The following DYSF variants were observed in gnomAD, a reference collection of about 807,000 sequenced individuals.
DYSF encodes dystrophy-associated fer-1-like 1.
DYSF carries 212 observed loss-of-function variants against 274.9 expected under a neutral mutation model. The observed-to-expected ratio is 0.77, with a 90% CI of 0.69 to 0.86. The LOEUF is 0.86. Among genes scored for constraint, DYSF ranks in the 40% least tolerant of loss-of-function variants. The pLI, the probability that DYSF is intolerant of heterozygous loss-of-function variation, is 0.00. For synonymous variants in DYSF, 1,091 were observed against 1,078.7 expected (o/e 1.01, Z -0.22); for missense variants, 2,666 against 2,783.2 (o/e 0.96, Z 0.95).
At position 71,682,618 on chromosome 2, in the gene DYSF, C is replaced by T. The variant is rs887047044; in HGVS notation, c.6262C>T (p.Leu2088Phe). The change falls in exon 55 of 56, where the codon CTC becomes TTC. Residue 2088 changes from leucine to phenylalanine, a missense_variant. Transcript: ENST00000410020. Reference sequence around the variant, plus strand: ...GCGGCGTTTCCGGTGGGCCATCATCCTCTTCATCATCCTCTTCATCCTGCT... The same window carrying T: ...GCGGCGTTTCCGGTGGGCCATCATCTTCTTCATCATCCTCTTCATCCTGCT... ...LWRRFRWAII[L>F]FIILFILLLF... is the part of the protein sequence containing the mutation. 1.7e-5 allele frequency: 27 copies of T among 1,613,786 alleles called. No individual in the cohort carries two copies. Among genetic ancestry groups the T allele is most frequent in the Non-Finnish European group, 2.0e-5 (24 of 1,179,788 alleles).
intron 30 of DYSF, among the ~76,000 whole-genome samples, chr2:71,587,637 A>G (rs920239086): frequency 3.3e-5 from 5 of 152,258 alleles, no homozygotes; most frequent in Non-Finnish European, 5.9e-5. Context: ...TCTCTAAAAT[A>G]GATACTGTAT....
At chr2:71,672,623 TG>T (rs1420745141) in intron 51 of DYSF, among the ~76,000 whole-genome samples, 2 of 152,092 alleles carry the variant, frequency 1.3e-5, no homozygotes, top group East Asian at 1.9e-4. Flanking sequence ...GCCTGGGACC[TG>T]GGGGGGTTCA....
At chr2:71,611,381 G>A (rs2152874992) in intron 37 of DYSF, 35 bp downstream of exon 37, 1 of 1,613,730 alleles carries the variant, frequency 6.2e-7, no homozygotes, top group Admixed American at 1.7e-5. Context: ...GGGGCTGGGA[G>A]CAGCCTGCCC....
intron 47 of DYSF, among the ~76,000 whole-genome samples, chr2:71,665,953 G>A (rs1234324681): frequency 6.6e-6 from 1 of 152,172 alleles, no homozygotes; most frequent in African/African-American, 2.4e-5. Flanking sequence ...CTGGCCCCTT[G>A]CCTCCTGGTT....
chr2:71,631,592 A>G (rs1028574459), intron 41 of DYSF, among the ~76,000 whole-genome samples: 1 of 152,166 alleles, frequency 6.6e-6, no homozygotes, highest in African/African-American at 2.4e-5. Flanking sequence ...TCGCCCATCA[A>G]ATGACAAGTG....
chr2:71,665,335 G>A, intron 47 of DYSF, 31 bp downstream of exon 47: 1 of 1,613,822 alleles, frequency 6.2e-7, no homozygotes, highest in Non-Finnish European at 8.5e-7. Context: ...AAACCATGGT[G>A]GGCTCTCGCT....
chr2:71,571,428 G>GCA (rs1290820991), intron 29 of DYSF, among the ~76,000 whole-genome samples: 1 of 97,798 alleles, frequency 1.0e-5, no homozygotes, highest in Non-Finnish European at 2.0e-5. Context: ...ATCACAGTCA[G>GCA]CACACACAGA....
At chr2:71,479,541 A>G (rs1295292944) in intron 1 of DYSF, among the ~76,000 whole-genome samples, 1 of 152,210 alleles carries the variant, frequency 6.6e-6, no homozygotes, top group Non-Finnish European at 1.5e-5. Flanking sequence ...TGTTTCTCCC[A>G]GCCTACGGCT....
At chr2:71,532,833 T>TATCTATC (rs774740699) in intron 14 of DYSF, among the ~76,000 whole-genome samples, 1 of 97,750 alleles carries the variant, frequency 1.0e-5, no homozygotes, top group Admixed American at 1.0e-4. Flanking sequence ...ACATTTATTC[T>TATCTATC]ATCTATCTAT....
rs1449509021 is a variant in DYSF at position 71,511,849 on chromosome 2, G to T, written c.388G>T (p.Ala130Ser). 19 of 1,551,628 alleles carry T rather than the reference G, an allele frequency of 1.2e-5. No individual in the cohort carries two copies. The highest frequency in any genetic ancestry group is 1.7e-5 in the Non-Finnish European group (19 of 1,147,012). Residue 130 changes from alanine to serine, a missense_variant, in exon 5 of 56, where the codon GCT (alanine) becomes TCT (serine). Physicochemically the swap from Ala to Ser is moderately conservative, Grantham distance 99 (BLOSUM62 1). This residue lies in a region of DYSF where 794 missense variants were observed against 777.1 expected (regional missense o/e 1.02). Transcript: ENST00000410020. ...LQVSYTPLPG[A>S]VPLFPPPTPL... ...GGTGTCCTACACACCGCTGCCTGGAGCTGTGCCCCTGTTCCCGCCCCCTAC... is the reference window on the plus strand; with the variant it reads ...GGTGTCCTACACACCGCTGCCTGGATCTGTGCCCCTGTTCCCGCCCCCTAC...
rs2093738775 is a variant in DYSF, at chr2:71,610,743, G to A, written c.3958-502G>A. Reference sequence around the variant, plus strand: ...GCGTGAGAGGTGGGGGTTTGGGGCTGGAAGGTGTCTAGGGGTGGGGAAGAA... The same window carrying A: ...GCGTGAGAGGTGGGGGTTTGGGGCTAGAAGGTGTCTAGGGGTGGGGAAGAA... On this transcript the variant is annotated intron_variant, in intron 36 of 55. Coordinates refer to ENST00000410020, the MANE Select transcript of DYSF (RefSeq NM_001130987.2). 14 of 216,644 alleles carry A rather than the reference G, an allele frequency of 6.5e-5. No homozygotes were observed. In the South Asian group the frequency reaches 1.1e-3, roughly 16 times the overall value. The allele number at this position is 216,644 out of a possible 1,614,324, so 13.4% of individuals were successfully genotyped here. A position where few individuals can be genotyped will look rare whatever the true frequency, so the allele number is the denominator to read the frequency against.
chr2:71,631,620 G>A (rs561439238), intron 41 of DYSF, among the ~76,000 whole-genome samples: 3 of 152,274 alleles, frequency 2.0e-5, no homozygotes, highest in East Asian at 1.9e-4. Flanking sequence ...AGGGGGAGGC[G>A]AGGGGAGGGA....
chr2:71,579,552 G>A (rs1240341000), intron 30 of DYSF, among the ~76,000 whole-genome samples: 1 of 152,078 alleles, frequency 6.6e-6, no homozygotes, highest in African/African-American at 2.4e-5. Context: ...ACCCCATAGA[G>A]GATAAGAATT....
chr2:71,654,724 G>A (rs974473863), intron 42 of DYSF, among the ~76,000 whole-genome samples: 1 of 152,102 alleles, frequency 6.6e-6, no homozygotes, highest in African/African-American at 2.4e-5. Context: ...GGAAGGAAGA[G>A]TTTTATAGAA....
chr2:71,539,157 G>A lies in DYSF; in HGVS notation c.1494G>A (p.Trp498Ter), dbSNP rs141400095. The A allele has an allele frequency of 6.2e-7, 1 of 1,613,802 alleles. No individual in the cohort carries two copies. The highest frequency in any genetic ancestry group is 1.3e-5 in the African/African-American group (1 of 74,834). Residue 498 changes from tryptophan (W) to a stop codon, truncating the protein, a stop_gained and splice_region_variant, in exon 17 of 56, where the codon TGG becomes TGA. Transcript: ENST00000410020. LOFTEE classifies it high-confidence loss of function. ...GGCCCTCTCTGCTCCCTTGCTCTAGGGACCGCCTGACTCACAATGACATCG... is the reference window on the plus strand; with the variant it reads ...GGCCCTCTCTGCTCCCTTGCTCTAGAGACCGCCTGACTCACAATGACATCG... ...CEKMRIRIID[W>*]DRLTHNDIVA...
In DYSF at chr2:71,590,271, A is replaced by G. The variant is rs915934611; in HGVS notation, c.3557A>G (p.Asp1186Gly). 3.1e-6 allele frequency: 5 copies of G among 1,614,036 alleles called. No individual in the cohort carries two copies. The African/African-American group carries it at 6.7e-5, about 22-fold the overall frequency. ...CAGGCCCGGGACCTGGCTGCGATGG[A>G]CAAGGACTCTTTTTCTGGTAGGTGG... Reference protein sequence around the residue: ...MYQARDLAAMDKDSFSDPYAI... With the variant: ...MYQARDLAAMGKDSFSDPYAI... Residue 1186 changes from aspartate to glycine, a missense_variant, in exon 32 of 56, where the codon GAC (aspartate) becomes GGC (glycine). Physicochemically the swap from Asp to Gly is moderately conservative, Grantham distance 94 (BLOSUM62 -1). Coordinates refer to ENST00000410020, the MANE Select transcript of DYSF (RefSeq NM_001130987.2).
At position 71,548,174 on chromosome 2, in the gene DYSF, G is replaced by A. The variant is rs752747; in HGVS notation, c.1577-2867G>A. On this transcript the variant is annotated intron_variant, in intron 17 of 55. Transcript: ENST00000410020. ...GGCTGGCATTCATAGCTGAGGCCTC[G>A]CTGAGGAGGGCTGAGGGGCTGGGCC... Among the ~76,000 whole-genome samples, 245 of 152,280 alleles carry A rather than the reference G, an allele frequency of 1.6e-3. 2 individuals carry two copies. The East Asian group carries it at 0.038, about 24-fold the overall frequency.
chr2:71,618,705 G>A (rs2094012746), intron 40 of DYSF, among the ~76,000 whole-genome samples: 1 of 150,334 alleles, frequency 6.7e-6, no homozygotes, highest in Non-Finnish European at 1.5e-5. Context: ...GCGTGGTAGA[G>A]ATGGTGTGTG....
intron 1 of DYSF, among the ~76,000 whole-genome samples, chr2:71,456,519 C>G (rs559379721): frequency 2.4e-4 from 36 of 152,276 alleles, no homozygotes; most frequent in African/African-American, 8.4e-4. Context: ...GTCTGGGAAG[C>G]CTTCCCTCCC....
Sources: gnomAD v4.1 joint callset for allele counts (sites outside exome capture counted in the v4.1 genomes callset) on GRCh38, gnomAD v4.1.1 for gene constraint, gnomAD v4.1.1 regional missense constraint, MANE v1.5 for transcripts, NCBI Gene and HGNC (gene_info 2026-07-23, HGNC 2026-07-21) for gene names.